Variants in CNBD1 observed in about 807,000 individuals in gnomAD.
The protein encoded by CNBD1 is cyclic nucleotide binding domain containing 1.
CNBD1 carries 71 observed loss-of-function variants against 54.4 expected under a neutral mutation model. That is an observed-to-expected ratio of 1.30 (90% CI 1.08 to 1.59). The LOEUF is 1.59. CNBD1 is among the 40% of genes most tolerant of loss of function. The pLI is 0.00. For missense variants in CNBD1, 659 were observed against 518.0 expected (o/e 1.27, Z -2.64); for synonymous variants, 182 against 170.7 (o/e 1.07, Z -0.51).
intron 4 of CNBD1, among the ~76,000 whole-genome samples, chr8:87,009,584 G>T (rs1323336696): frequency 1.3e-5 from 2 of 152,056 alleles, no homozygotes; most frequent in Non-Finnish European, 2.9e-5. Flanking sequence ...TTACAGGCAT[G>T]AGCCACCACA....
intron 2 of CNBD1, among the ~76,000 whole-genome samples, chr8:87,393,224 A>G (rs1486121361): frequency 6.6e-6 from 1 of 151,844 alleles, no homozygotes; most frequent in African/African-American, 2.4e-5. Flanking sequence ...GTAGTCCCCT[A>G]TTTAGGAGAA....
At chr8:87,263,362 A>G (rs941730991) in intron 6 of CNBD1, among the ~76,000 whole-genome samples, 1 of 152,076 alleles carries the variant, frequency 6.6e-6, no homozygotes, top group Non-Finnish European at 1.5e-5. Context: ...GCCCACCTTT[A>G]GAACTTGGTA....
intron 10 of CNBD1, among the ~76,000 whole-genome samples, chr8:87,379,315 A>G (rs1278536000): frequency 6.6e-6 from 1 of 151,996 alleles, no homozygotes; most frequent in East Asian, 1.9e-4. Context: ...AACATTAGAC[A>G]GATCAACGAG....
chr8:87,409,713 C>G (rs1050506916), intron 2 of CNBD1, among the ~76,000 whole-genome samples: 1 of 152,022 alleles, frequency 6.6e-6, no homozygotes, highest in Non-Finnish European at 1.5e-5. Flanking sequence ...AACCCAGGGG[C>G]TTAAGAATTA....
chr8:87,113,355 C>A (rs1389487166), intron 4 of CNBD1, among the ~76,000 whole-genome samples: 1 of 152,146 alleles, frequency 6.6e-6, no homozygotes, highest in Admixed American at 6.6e-5. Flanking sequence ...GTTTTACAGA[C>A]CTGCATTCAT....
At chr8:87,244,284 A>G (rs1402591790) in intron 6 of CNBD1, among the ~76,000 whole-genome samples, 1 of 152,178 alleles carries the variant, frequency 6.6e-6, no homozygotes, top group East Asian at 1.9e-4. Flanking sequence ...AAAGGTGACA[A>G]TCAGCTATGC....
intron 10 of CNBD1, among the ~76,000 whole-genome samples, chr8:87,377,826 C>G (rs1480850489): frequency 6.7e-6 from 1 of 150,234 alleles, no homozygotes; most frequent in Admixed American, 6.6e-5. Flanking sequence ...TGTTTCCTGA[C>G]TTTTTAATGA....
rs186341588 is a variant in CNBD1 at position 87,342,997 on chromosome 8, G to A, written c.1043-8688G>A. ...CAGGGCATATTTCAGTCCTTCTCTCGACTGCATAAGACAGACACTCCCAGA... is the reference window on the plus strand; with the variant it reads ...CAGGGCATATTTCAGTCCTTCTCTCAACTGCATAAGACAGACACTCCCAGA... On this transcript the variant is annotated intron_variant, in intron 8 of 10. Transcript: ENST00000518476. Among the ~76,000 whole-genome samples, 704 of 152,150 alleles carry A rather than the reference G, an allele frequency of 4.6e-3. 5 individuals carry two copies. Among genetic ancestry groups the A allele is most frequent in the Non-Finnish European group, 6.7e-3 (456 of 68,002 alleles).
chr8:87,392,474 A>G (rs981503563), intron 2 of CNBD1, among the ~76,000 whole-genome samples: 1 of 152,068 alleles, frequency 6.6e-6, no homozygotes, highest in Non-Finnish European at 1.5e-5. Flanking sequence ...ATTCAGCAAT[A>G]AGAAGGAATG....
chr8:86,945,084 T>G (rs1176563419), intron 4 of CNBD1, among the ~76,000 whole-genome samples: 1 of 152,174 alleles, frequency 6.6e-6, no homozygotes, highest in Non-Finnish European at 1.5e-5. Flanking sequence ...ACACTGGCTT[T>G]TAAAATGCAA....
At chr8:86,955,402 A>C (rs1000016547) in intron 4 of CNBD1, among the ~76,000 whole-genome samples, 8 of 152,284 alleles carry the variant, frequency 5.3e-5, no homozygotes, top group Admixed American at 2.6e-4. Context: ...CCTGAGGAAT[A>C]GCCACACTGT....
At chr8:87,096,343 CTT>C (rs764461082) in intron 4 of CNBD1, among the ~76,000 whole-genome samples, 28,047 of 116,818 alleles carry the variant, frequency 0.24, 3,132 homozygotes, top group African/African-American at 0.32. Flanking sequence ...TCTCTGGTGT[CTT>C]TTTTTTTTTT....
rs114091268 is a variant in CNBD1, at chr8:87,362,076, A to G, written c.1303+8290A>G. Among the ~76,000 whole-genome samples the G allele has an allele frequency of 9.7e-3, 1,469 of 152,140 alleles. 20 individuals are homozygous for G. Among genetic ancestry groups the G allele is most frequent in the African/African-American group, 0.033 (1,350 of 41,518 alleles). ...ATGACAAACCATGAAAACAATTACC[A>G]TGCTTACTTAAAATCTACTTCAATG... On this transcript the variant is annotated intron_variant, in intron 10 of 10. Transcript: ENST00000518476.
At chr8:87,233,696 CG>C (rs1563517881) in intron 5 of CNBD1, among the ~76,000 whole-genome samples, 1 of 151,924 alleles carries the variant, frequency 6.6e-6, no homozygotes, top group Non-Finnish European at 1.5e-5. Flanking sequence ...ACTTGAACTC[CG>C]GGGCTCAAGT....
intron 2 of CNBD1, among the ~76,000 whole-genome samples, chr8:87,392,602 G>A (rs1811330129): frequency 6.6e-6 from 1 of 151,952 alleles, no homozygotes; most frequent in Non-Finnish European, 1.5e-5. Context: ...GCACAGAATA[G>A]GCAAATCTGT....
chr8:87,371,858 A>T (rs1164522791), intron 10 of CNBD1, among the ~76,000 whole-genome samples: 9 of 151,998 alleles, frequency 5.9e-5, no homozygotes, highest in Admixed American at 4.6e-4. Flanking sequence ...AGAGCTATCT[A>T]TGACAAACCC....
chr8:87,134,951 C>T (rs1054593393), intron 4 of CNBD1, among the ~76,000 whole-genome samples: 7 of 151,970 alleles, frequency 4.6e-5, no homozygotes, highest in South Asian at 2.1e-4. Flanking sequence ...AAAAATTCTG[C>T]GCTATTGTTA....
intron 8 of CNBD1, among the ~76,000 whole-genome samples, chr8:87,289,686 A>G (rs1186726926): frequency 6.6e-6 from 1 of 152,178 alleles, no homozygotes; most frequent in Non-Finnish European, 1.5e-5. Flanking sequence ...GTATGTGAAA[A>G]TCATAATAAT....
intron 4 of CNBD1, among the ~76,000 whole-genome samples, chr8:87,124,657 C>T (rs1811956775): frequency 6.6e-6 from 1 of 151,530 alleles, no homozygotes; most frequent in Non-Finnish European, 1.5e-5. Flanking sequence ...TACCTCAACC[C>T]AATAAAGGCC....
Sources: allele counts gnomAD v4.1 joint callset (sites outside exome capture counted in the v4.1 genomes callset), GRCh38; gene constraint gnomAD v4.1.1; transcripts MANE v1.5; gene names NCBI Gene and HGNC (gene_info 2026-07-23, HGNC 2026-07-21).